CNTN6: variants seen among roughly 807,000 people sequenced by gnomAD.
The protein encoded by CNTN6 is contactin 6.
Under a neutral mutation model 122.8 loss-of-function variants are expected in CNTN6, and 137 were observed. The ratio of observed to expected loss-of-function variants is 1.12; its 90% CI spans 0.97 to 1.29. CNTN6 has a LOEUF of 1.29. Ranked by LOEUF, CNTN6 falls within the 50% of genes most tolerant of loss-of-function variation. The pLI, the probability that CNTN6 is intolerant of heterozygous loss-of-function variation, is 0.00. For missense variants in CNTN6, 1,634 were observed against 1,223.4 expected (o/e 1.34, Z -5.01); for synonymous variants, 570 against 426.0 (o/e 1.34, Z -4.16).
At chr3:1,350,789 G>A (rs918390092) in intron 11 of CNTN6, among the ~76,000 whole-genome samples, 34 of 151,794 alleles carry the variant, frequency 2.2e-4, no homozygotes, top group Non-Finnish European at 1.3e-4. Context: ...TCAGGTTTCT[G>A]TGTTGCTCAA....
chr3:1,104,179 G>A (rs1466522822), intron 1 of CNTN6, among the ~76,000 whole-genome samples: 4 of 151,964 alleles, frequency 2.6e-5, no homozygotes, highest in South Asian at 4.1e-4. Flanking sequence ...GGAAAGGGGG[G>A]CTAACATTGT....
intron 4 of CNTN6, among the ~76,000 whole-genome samples, chr3:1,277,591 C>T (rs891299862): frequency 2.6e-5 from 4 of 151,866 alleles, no homozygotes; most frequent in Admixed American, 2.6e-4. Flanking sequence ...AAACTCCTGG[C>T]CACAAGCAAC....
chr3:1,328,410 A>G (rs1701831024), intron 10 of CNTN6, among the ~76,000 whole-genome samples: 1 of 151,786 alleles, frequency 6.6e-6, no homozygotes, highest in African/African-American at 2.4e-5. Flanking sequence ...GGATCAAACA[A>G]CAAGACACAA....
chr3:1,303,390 T>A lies in CNTN6; in HGVS notation c.761+5399T>A, dbSNP rs1697769334. Among the ~76,000 whole-genome samples, 5 of 152,266 alleles carry A rather than the reference T, an allele frequency of 3.3e-5. No individual in the cohort carries two copies. The South Asian group carries it at 1.0e-3, about 31-fold the overall frequency. On this transcript the variant is annotated intron_variant, in intron 7 of 22. Transcript: ENST00000446702. ...ATTAAAGGAACTTCAATAACTAAAC[T>A]TTTAGCGTGAGGTTTTATGTTTTTC...
intron 20 of CNTN6, among the ~76,000 whole-genome samples, chr3:1,387,245 T>G (rs2126202381): frequency 6.6e-6 from 1 of 152,326 alleles, no homozygotes; most frequent in African/African-American, 2.4e-5. Context: ...GAGCAAAAAT[T>G]TTTGAACCAA....
chr3:1,208,539 TG>T (rs1267148852), intron 2 of CNTN6, among the ~76,000 whole-genome samples: 1 of 152,102 alleles, frequency 6.6e-6, no homozygotes, highest in Non-Finnish European at 1.5e-5. Flanking sequence ...TTTATACTTT[TG>T]GTGTAGTACT....
intron 20 of CNTN6, among the ~76,000 whole-genome samples, chr3:1,400,823 T>C (rs1438537231): frequency 6.6e-6 from 1 of 152,122 alleles, no homozygotes; most frequent in African/African-American, 2.4e-5. Flanking sequence ...AAGATGAGTA[T>C]ACAGCAGACC....
chr3:1,325,732 G>C (rs1018875023), intron 8 of CNTN6, 83 bp from the exon 9 acceptor site: 8 of 1,440,258 alleles, frequency 5.6e-6, no homozygotes, highest in Non-Finnish European at 7.5e-6. Context: ...TTGTCCTTCT[G>C]ATCTCTACAG....
In CNTN6 at chr3:1,158,969, C is replaced by CATAT. The variant is rs147254743; in HGVS notation, c.55+10918_55+10921dup. 3.4e-3 allele frequency among the ~76,000 whole-genome samples: 380 copies of CATAT among 112,980 alleles called. 38 individuals carry two copies. The highest frequency in any genetic ancestry group is 0.012 in the African/African-American group (319 of 26,334). 74.1% of individuals were successfully genotyped at this position (112,980 alleles called of 152,430 possible). ...ATATATATATACACACACACACACA[C>CATAT]ATATATATATATATAGACAAGGTCT... On this transcript the variant is annotated intron_variant, in intron 2 of 22. Transcript: ENST00000446702.
At chr3:1,339,761 C>T (rs142745572) in intron 11 of CNTN6, among the ~76,000 whole-genome samples, 300 of 152,214 alleles carry the variant, frequency 2.0e-3, no homozygotes, top group African/African-American at 7.0e-3. Context: ...TCCCGTGAGT[C>T]CTCTAAATGC....
At chr3:1,099,505 C>G (rs2090763995) in intron 1 of CNTN6, among the ~76,000 whole-genome samples, 1 of 151,938 alleles carries the variant, frequency 6.6e-6, no homozygotes, top group South Asian at 2.1e-4. Flanking sequence ...ATATATTTCA[C>G]CTTATGTGTT....
chr3:1,289,584 G>T (rs1694930838), intron 5 of CNTN6, among the ~76,000 whole-genome samples: 1 of 152,004 alleles, frequency 6.6e-6, no homozygotes, highest in Admixed American at 6.6e-5. Context: ...TATACAAGGT[G>T]GTCCACCATT....
chr3:1,286,527 T>C (rs573812958), intron 5 of CNTN6, among the ~76,000 whole-genome samples: 37 of 152,304 alleles, frequency 2.4e-4, no homozygotes, highest in African/African-American at 7.5e-4. Flanking sequence ...GGACATGAAC[T>C]CATCCTTTTT....
chr3:1,321,716 C>T lies in CNTN6; in HGVS notation c.828C>T (p.Ser276=). The T allele has an allele frequency of 1.2e-6, 2 of 1,611,808 alleles. No homozygotes were observed. The highest frequency in any genetic ancestry group is 1.7e-6 in the Non-Finnish European group (2 of 1,178,580). The change falls in exon 8 of 23, where the codon AGC becomes AGT. Residue 276 remains serine (S), a synonymous_variant. Coordinates refer to ENST00000446702, the MANE Select transcript of CNTN6 (RefSeq NM_001289080.2). ...GSPLPGKVKY[S]KSQAILEIPN... ...CGTTGCCAGGGAAAGTCAAGTACAG[C>T]AAATCCCAAGCTATCCTTGAAATCC...
In CNTN6 at chr3:1,375,694, A is replaced by T. The variant is rs553816386; in HGVS notation, c.2096-1311A>T. On this transcript the variant is annotated intron_variant, in intron 16 of 22. Coordinates refer to ENST00000446702, the MANE Select transcript of CNTN6 (RefSeq NM_001289080.2). Reference sequence around the variant, plus strand: ...CTCTGATTCACATCGCTTTTGATCAAAGGCATTGGAAGTCTTAGAAAATAA... The same window carrying T: ...CTCTGATTCACATCGCTTTTGATCATAGGCATTGGAAGTCTTAGAAAATAA... Among the ~76,000 whole-genome samples, 3 of 152,212 alleles carry T rather than the reference A, an allele frequency of 2.0e-5. No individual in the cohort carries two copies. In the East Asian group the frequency reaches 5.8e-4, roughly 29 times the overall value.
chr3:1,233,861 T>C (rs918791626), intron 4 of CNTN6, among the ~76,000 whole-genome samples: 2 of 151,670 alleles, frequency 1.3e-5, no homozygotes, highest in Non-Finnish European at 2.9e-5. Flanking sequence ...TTAGGGGGCA[T>C]CCCAAACCTC....
intron 20 of CNTN6, among the ~76,000 whole-genome samples, chr3:1,399,297 G>C (rs1695378711): frequency 6.6e-6 from 1 of 152,024 alleles, no homozygotes; most frequent in African/African-American, 2.4e-5. Flanking sequence ...TTATAGCTGA[G>C]AAAAAGATTT....
chr3:1,144,080 C>T (rs777677640), intron 1 of CNTN6, among the ~76,000 whole-genome samples: 2 of 152,192 alleles, frequency 1.3e-5, no homozygotes, highest in Admixed American at 6.5e-5. Flanking sequence ...AAACCTAGCT[C>T]ATGCTTGCTG....
At chr3:1,300,895 T>A (rs1310588966) in intron 7 of CNTN6, among the ~76,000 whole-genome samples, 1 of 151,980 alleles carries the variant, frequency 6.6e-6, no homozygotes, top group African/African-American at 2.4e-5. Flanking sequence ...TTGGGATATA[T>A]GAGGTATGTG....
Sources: allele counts gnomAD v4.1 joint callset (sites outside exome capture counted in the v4.1 genomes callset), GRCh38; gene constraint gnomAD v4.1.1; transcripts MANE v1.5; gene names NCBI Gene and HGNC (gene_info 2026-07-23, HGNC 2026-07-21).